The following TNRC6C variants were observed in gnomAD, a reference collection of about 807,000 sequenced individuals.
The protein encoded by TNRC6C is trinucleotide repeat-containing gene 6C protein.
A neutral mutation model predicts 153.7 loss-of-function variants in TNRC6C; 20 were observed. The observed-to-expected ratio is 0.13, with a 90% CI of 0.09 to 0.19. The LOEUF (loss-of-function observed/expected upper bound fraction) is 0.19, where lower values mean the gene tolerates loss of function less well. TNRC6C is among the 10% of genes least tolerant of loss of function. The pLI is 1.00. For missense variants in TNRC6C, 1,987 were observed against 2,172.0 expected (o/e 0.91, Z 1.69); for synonymous variants, 811 against 841.4 (o/e 0.96, Z 0.63).
intron 1 of TNRC6C, among the ~76,000 whole-genome samples, chr17:77,969,741 T>C (rs2070926055): frequency 6.6e-6 from 1 of 151,872 alleles, no homozygotes; most frequent in Non-Finnish European, 1.5e-5. Flanking sequence ...GCAGTGTGCC[T>C]GGGAGACAAG....
chr17:77,976,776 A>G (rs964187697), intron 1 of TNRC6C, among the ~76,000 whole-genome samples: 1 of 151,966 alleles, frequency 6.6e-6, no homozygotes, highest in Admixed American at 6.6e-5. Flanking sequence ...TAAAAATACA[A>G]AAATTATCTG....
upstream of TNRC6C, chr17:78,004,059 C>T (rs2143183454): frequency 1.6e-6 from 2 of 1,221,844 alleles, no homozygotes; most frequent in East Asian, 3.2e-5. Context: ...GAGGGTCCTC[C>T]TGTATACCAT....
At chr17:78,094,352 G>T (rs908573763) in intron 16 of TNRC6C, among the ~76,000 whole-genome samples, 1 of 151,882 alleles carries the variant, frequency 6.6e-6, no homozygotes, top group Non-Finnish European at 1.5e-5. Context: ...CACTAATAAG[G>T]CCACCTAGAT....
intron 1 of TNRC6C, 148 bp downstream of exon 3, chr17:78,005,227 C>T (rs1005398531): frequency 3.8e-5 from 19 of 494,128 alleles, no homozygotes; most frequent in Admixed American, 2.7e-4. Flanking sequence ...TGTGAAATTC[C>T]TCATTTATCA....
chr17:78,108,731 T>C (rs2073758359), exon 20 of TNRC6C: 1 of 153,852 alleles, frequency 6.5e-6, no homozygotes, highest in Admixed American at 6.5e-5. Flanking sequence ...CACCCATGGG[T>C]GAAAAAGAGG....
intron 1 of TNRC6C, among the ~76,000 whole-genome samples, chr17:78,014,835 A>G (rs1254191334): frequency 3.3e-5 from 5 of 151,760 alleles, no homozygotes; most frequent in African/African-American, 1.2e-4. Context: ...CCACTGAACA[A>G]ACAGAAGGCA....
chr17:78,015,249 A>G (rs972302744), intron 1 of TNRC6C, among the ~76,000 whole-genome samples: 1 of 152,186 alleles, frequency 6.6e-6, no homozygotes, highest in East Asian at 1.9e-4. Flanking sequence ...CTGAGATGAC[A>G]TCAGTCATAG....
upstream of TNRC6C, among the ~76,000 whole-genome samples, chr17:78,001,905 A>G (rs1173257000): frequency 6.6e-6 from 1 of 152,308 alleles, no homozygotes; most frequent in East Asian, 1.9e-4. Flanking sequence ...ATATTTACAA[A>G]TGTATGTTGA....
At chr17:78,059,765 C>T (rs962643176) in intron 3 of TNRC6C, among the ~76,000 whole-genome samples, 1 of 151,434 alleles carries the variant, frequency 6.6e-6, no homozygotes, top group Non-Finnish European at 1.5e-5. Context: ...AGGAGGATCA[C>T]CAGAGCCCAG....
At chr17:78,046,628 C>A (rs187113037) in intron 2 of TNRC6C, among the ~76,000 whole-genome samples, 2 of 152,142 alleles carry the variant, frequency 1.3e-5, no homozygotes, top group African/African-American at 4.8e-5. Context: ...TTATGTCTTA[C>A]GTATTTCATG....
chr17:78,077,435 A>G (rs2144368937), intron 9 of TNRC6C, 101 bp downstream of exon 11: 3 of 1,423,104 alleles, frequency 2.1e-6, no homozygotes, highest in South Asian at 2.5e-5. Context: ...TAATACCTCT[A>G]TTTTTAAATG....
chr17:78,031,282 T>C (rs1465499274), intron 1 of TNRC6C, among the ~76,000 whole-genome samples: 1 of 151,992 alleles, frequency 6.6e-6, no homozygotes, highest in Non-Finnish European at 1.5e-5. Context: ...TCACCTTGAT[T>C]TTACAGATGA....
intron 1 of TNRC6C, among the ~76,000 whole-genome samples, chr17:77,997,853 A>G: frequency 6.6e-6 from 1 of 151,490 alleles, no homozygotes; most frequent in East Asian, 1.9e-4. Context: ...ACGGGGTTTC[A>G]CCGTGTTAGC....
exon 20 of TNRC6C, chr17:78,108,776 G>A (rs1011697308): frequency 1.3e-5 from 2 of 152,454 alleles, no homozygotes; most frequent in Non-Finnish European, 2.9e-5. Context: ...ACCTGCATCT[G>A]TGGATATATA....
intron 11 of TNRC6C, among the ~76,000 whole-genome samples, 175 bp from the exon 14 acceptor site, chr17:78,086,328 T>TAA (rs58348772): frequency 0.016 from 870 of 53,236 alleles, 89 homozygotes; most frequent in East Asian, 0.026. Context: ...AGACTCCATC[T>TAA]AAAAAAAAAA....
intron 11 of TNRC6C, among the ~76,000 whole-genome samples, chr17:78,086,146 A>G (rs1055974771): frequency 1.3e-5 from 2 of 152,032 alleles, no homozygotes; most frequent in Admixed American, 1.3e-4. Flanking sequence ...CCTGGCCAAC[A>G]TAATGAAACC....
At chr17:77,979,496 A>G (rs1462428837) in intron 1 of TNRC6C, among the ~76,000 whole-genome samples, 1 of 152,200 alleles carries the variant, frequency 6.6e-6, no homozygotes, top group Non-Finnish European at 1.5e-5. Context: ...TTAGTAAACT[A>G]GAAGATAGAT....
intron 16 of TNRC6C, among the ~76,000 whole-genome samples, chr17:78,094,490 G>T (rs2073449163): frequency 6.6e-6 from 1 of 150,780 alleles, no homozygotes; most frequent in African/African-American, 2.4e-5. Context: ...CCAGGCTGGA[G>T]TATAGTGGCG....
intron 2 of TNRC6C, among the ~76,000 whole-genome samples, chr17:78,039,710 C>T (rs2072255244): frequency 6.6e-6 from 1 of 152,172 alleles, no homozygotes; most frequent in Non-Finnish European, 1.5e-5. Flanking sequence ...ACAAGGGCAT[C>T]CAGAGCAGAC....
Sources: allele counts gnomAD v4.1 joint callset (sites outside exome capture counted in the v4.1 genomes callset), GRCh38; gene constraint gnomAD v4.1.1; transcripts MANE v1.5; gene names NCBI Gene and HGNC (gene_info 2026-07-23, HGNC 2026-07-21).